Variants in WDFY1 observed in about 807,000 individuals in gnomAD.
WDFY1 encodes the protein WD repeat and FYVE domain containing 1, also known as WD repeat and FYVE domain-containing protein 1.
A neutral mutation model predicts 56.4 loss-of-function variants in WDFY1; 32 were observed. That is an observed-to-expected ratio of 0.57 (90% CI 0.43 to 0.76). WDFY1 has a LOEUF of 0.76. WDFY1 is among the 30% of genes least tolerant of loss of function. WDFY1 has a pLI of 0.00. For missense variants in WDFY1, 480 were observed against 545.7 expected (o/e 0.88, Z 1.20); for synonymous variants, 192 against 197.3 (o/e 0.97, Z 0.23).
At position 223,901,338 on chromosome 2, in the gene WDFY1, AG is replaced by A; in HGVS notation, c.335-6del. The A allele has an allele frequency of 6.2e-7, 1 of 1,613,964 alleles. No homozygotes were observed. The highest frequency in any genetic ancestry group is 1.7e-4 in the Middle Eastern group (1 of 6,058). ...CAGACACCCGGTTCTGATGAGCTGC[AG>A]GAACAGAAAGGTGAACAGATGTCAT... On this transcript the variant is annotated splice_polypyrimidine_tract_variant and splice_region_variant and intron_variant, in intron 4 of 11. Transcript: ENST00000233055.
chr2:223,900,362 C>T (rs1442575095), intron 5 of WDFY1, among the ~76,000 whole-genome samples: 3 of 152,188 alleles, frequency 2.0e-5, no homozygotes, highest in Non-Finnish European at 4.4e-5. Flanking sequence ...TTGTAGCAAA[C>T]ATTTTAAAGA....
At chr2:223,897,351 C>CATATATATATATATATAT (rs1194128689) in intron 6 of WDFY1, among the ~76,000 whole-genome samples, 10 of 53,674 alleles carry the variant, frequency 1.9e-4, no homozygotes, top group Admixed American at 1.4e-3. Flanking sequence ...CTAAATTTCG[C>CATATATATATATATATAT]ATATATATAT....
intron 9 of WDFY1, among the ~76,000 whole-genome samples, chr2:223,883,702 GT>G (rs1693114754): frequency 1.3e-5 from 2 of 152,158 alleles, no homozygotes; most frequent in South Asian, 4.1e-4. Flanking sequence ...CTGGAGTGCA[GT>G]GGCGTGATCT....
chr2:223,943,845 C>A (rs1166023444), intron 1 of WDFY1, among the ~76,000 whole-genome samples: 1 of 152,250 alleles, frequency 6.6e-6, no homozygotes, highest in Non-Finnish European at 1.5e-5. Flanking sequence ...CAGCAAGCTA[C>A]ACCTCCACCA....
In WDFY1 at chr2:223,891,665, C is replaced by T. The variant is rs188049462; in HGVS notation, c.831+2569G>A. ...CACTTTGACGGTAGGAATCCCACTTCTACTTTCTAAGTACTTTTTCTAAAA... is the reference window on the plus strand; with the variant it reads ...CACTTTGACGGTAGGAATCCCACTTTTACTTTCTAAGTACTTTTTCTAAAA... On this transcript the variant is annotated intron_variant, in intron 8 of 11. Coordinates refer to ENST00000233055, the MANE Select transcript of WDFY1 (RefSeq NM_020830.5). 3.3e-3 allele frequency among the ~76,000 whole-genome samples: 507 copies of T among 152,208 alleles called. 2 individuals are homozygous for T. The highest frequency in any genetic ancestry group is 4.3e-3 in the Non-Finnish European group (290 of 68,020).
chr2:223,895,642 T>TGA lies in WDFY1; in HGVS notation c.599-14_599-13dup, dbSNP rs150347314. 2.5e-4 allele frequency: 387 copies of TGA among 1,565,098 alleles called. No individual in the cohort carries two copies. Among genetic ancestry groups the TGA allele is most frequent in the East Asian group, 1.0e-3 (43 of 43,094 alleles). ...GCAGGCGACACTACCTAGGGATTTG[T>TGA]GAGAGAGAGAGAGAGAGGGAGGCAG... On this transcript the variant is annotated splice_polypyrimidine_tract_variant and intron_variant, in intron 6 of 11. Transcript: ENST00000233055.
intron 4 of WDFY1, among the ~76,000 whole-genome samples, chr2:223,905,371 T>C (rs1693579506): frequency 6.6e-6 from 1 of 152,130 alleles, no homozygotes; most frequent in African/African-American, 2.4e-5. Flanking sequence ...AATTATAGAA[T>C]TTGGACAGGT....
intron 7 of WDFY1, among the ~76,000 whole-genome samples, 177 bp downstream of exon 7, chr2:223,895,327 C>T (rs968928547): frequency 4.6e-5 from 7 of 152,160 alleles, no homozygotes. Context: ...TTTTTTGCTA[C>T]TAAACATCAG....
At position 223,884,571 on chromosome 2, in the gene WDFY1, C is replaced by CA. The variant is rs1042885235; in HGVS notation, c.933+76dup. ...GCATTTGCAAAAACAAAGTGTGTTT[C>CA]AAAAAAACCCCAGATTAAGTATGCA... On this transcript the variant is annotated intron_variant, in intron 9 of 11. Transcript: ENST00000233055. The CA allele has an allele frequency of 1.4e-5, 20 of 1,411,868 alleles. No individual in the cohort carries two copies. In the South Asian group the frequency reaches 1.9e-4, roughly 13 times the overall value. 87.5% of individuals were successfully genotyped at this position (1,411,868 alleles called of 1,614,324 possible).
intron 4 of WDFY1, among the ~76,000 whole-genome samples, chr2:223,902,751 A>G (rs2106083232): frequency 6.6e-6 from 1 of 150,408 alleles, no homozygotes; most frequent in East Asian, 1.9e-4. Context: ...ACTGAAATGC[A>G]AATATTATTT....
intron 5 of WDFY1, among the ~76,000 whole-genome samples, chr2:223,900,517 G>A (rs113197547): frequency 5.3e-5 from 8 of 152,186 alleles, no homozygotes; most frequent in Non-Finnish European, 8.8e-5. Context: ...AGGTAAGGGC[G>A]AGCTCTACAT....
chr2:223,936,029 C>T (rs1694162693), intron 1 of WDFY1, among the ~76,000 whole-genome samples: 1 of 148,298 alleles, frequency 6.7e-6, no homozygotes, highest in African/African-American at 2.5e-5. Flanking sequence ...TAAAGCTTAG[C>T]AGGGAGCAGT....
intron 1 of WDFY1, among the ~76,000 whole-genome samples, chr2:223,941,778 T>TA (rs1425550978): frequency 2.0e-5 from 3 of 152,134 alleles, no homozygotes. Flanking sequence ...TGACACTCAA[T>TA]AAAAAAGCTT....
At chr2:223,930,909 AGCATGAGTGAGCCTGGCTGAG>A (rs1694062186) in intron 1 of WDFY1, among the ~76,000 whole-genome samples, 1 of 152,242 alleles carries the variant, frequency 6.6e-6, no homozygotes, top group Non-Finnish European at 1.5e-5. Flanking sequence ...GCTGGCCACA[AGCATGAGTGAGCCTGGCTGAG>A]GCCAGAAGCA....
chr2:223,917,375 A>C (rs556218034), intron 2 of WDFY1, among the ~76,000 whole-genome samples: 5 of 151,524 alleles, frequency 3.3e-5, no homozygotes, highest in African/African-American at 1.2e-4. Context: ...TAAGACAAAG[A>C]AAAACTGAGG....
intron 10 of WDFY1, among the ~76,000 whole-genome samples, chr2:223,880,483 T>C (rs1442903285): frequency 6.6e-6 from 1 of 151,806 alleles, no homozygotes; most frequent in African/African-American, 2.4e-5. Flanking sequence ...GGCACACGCC[T>C]GTAATCCCAG....
intron 9 of WDFY1, among the ~76,000 whole-genome samples, chr2:223,882,665 C>T (rs920218694): frequency 3.3e-5 from 5 of 152,194 alleles, no homozygotes; most frequent in African/African-American, 1.2e-4. Context: ...ATTTAGGAGC[C>T]TAATCACTGT....
chr2:223,905,104 T>A (rs1693574442), intron 4 of WDFY1, among the ~76,000 whole-genome samples: 1 of 152,174 alleles, frequency 6.6e-6, no homozygotes, highest in Admixed American at 6.5e-5. Flanking sequence ...ATTTTCAAAT[T>A]GAGAACTTTC....
At chr2:223,944,957 G>A (rs1049129456) in intron 1 of WDFY1, among the ~76,000 whole-genome samples, 191 bp downstream of exon 1, 8 of 152,300 alleles carry the variant, frequency 5.3e-5, no homozygotes, top group African/African-American at 1.7e-4. Context: ...GGCTGGAAAG[G>A]TGCAAGTCGA....
Sources: allele counts gnomAD v4.1 joint callset (sites outside exome capture counted in the v4.1 genomes callset), GRCh38; gene constraint gnomAD v4.1.1; transcripts MANE v1.5; gene names NCBI Gene and HGNC (gene_info 2026-07-23, HGNC 2026-07-21).